ENOX1: variants seen among roughly 807,000 people sequenced by gnomAD.
The protein encoded by ENOX1 is ecto-NOX disulfide-thiol exchanger 1, also known as candidate growth-related and time keeping constitutive hydroquinone (NADH) oxidase.
In ENOX1, 42 loss-of-function variants were observed where a neutral mutation model predicts 82.5. The ratio of observed to expected loss-of-function variants is 0.51; its 90% confidence interval spans 0.40 to 0.66. The LOEUF (loss-of-function observed/expected upper bound fraction) is 0.66. Ranked by LOEUF, ENOX1 falls within the 30% of genes least tolerant of loss-of-function variation. The probability of loss-of-function intolerance (pLI) is 0.00; values close to 1 mark genes in which losing one functional copy is unlikely to be tolerated. For synonymous variants in ENOX1, 271 were observed against 282.2 expected (o/e 0.96, Z 0.40); for missense variants, 608 against 811.6 (o/e 0.75, Z 3.05).
chr13:43,391,522 A>G (rs1251876648), intron 5 of ENOX1, among the ~76,000 whole-genome samples: 1 of 152,154 alleles, frequency 6.6e-6, no homozygotes, highest in Non-Finnish European at 1.5e-5. Context: ...ATCTGAGTGC[A>G]TGATTTCTCC....
intron 11 of ENOX1, among the ~76,000 whole-genome samples, chr13:43,304,208 A>G (rs759827177): frequency 5.6e-4 from 86 of 152,250 alleles, no homozygotes; most frequent in Non-Finnish European, 9.3e-4. Flanking sequence ...AGTAGCAGTA[A>G]TGGGAATAGC....
chr13:43,472,267 C>T (rs1038507352), intron 3 of ENOX1, among the ~76,000 whole-genome samples: 3 of 152,006 alleles, frequency 2.0e-5, no homozygotes. Context: ...AGCCATAAAC[C>T]CACAAAAATA....
chr13:43,568,272 A>G (rs1043187923), intron 2 of ENOX1, among the ~76,000 whole-genome samples: 5 of 152,182 alleles, frequency 3.3e-5, no homozygotes, highest in African/African-American at 1.2e-4. Context: ...TTCCTCTTGC[A>G]TGAAACCTCT....
At chr13:43,245,672 C>T (rs1241287982) in intron 14 of ENOX1, among the ~76,000 whole-genome samples, 1 of 152,162 alleles carries the variant, frequency 6.6e-6, no homozygotes, top group Non-Finnish European at 1.5e-5. Context: ...TGGGCTCTCA[C>T]CACCTCTGCC....
At chr13:43,607,324 T>C (rs780057135) in intron 2 of ENOX1, among the ~76,000 whole-genome samples, 1 of 152,214 alleles carries the variant, frequency 6.6e-6, no homozygotes, top group Non-Finnish European at 1.5e-5. Flanking sequence ...TTATTGTGCA[T>C]AGAGTTTCCT....
intron 3 of ENOX1, among the ~76,000 whole-genome samples, chr13:43,435,911 G>A (rs1158906928): frequency 6.7e-6 from 1 of 150,120 alleles, no homozygotes; most frequent in Non-Finnish European, 1.5e-5. Context: ...AGAAGAATAT[G>A]GTCTGAGTCT....
chr13:43,291,396 T>C (rs2045991594), intron 12 of ENOX1, among the ~76,000 whole-genome samples: 1 of 152,190 alleles, frequency 6.6e-6, no homozygotes, highest in Non-Finnish European at 1.5e-5. Context: ...TCTATCTTTG[T>C]TCCATATTTC....
At chr13:43,687,482 C>G (rs754649919) in intron 1 of ENOX1, among the ~76,000 whole-genome samples, 6 of 152,248 alleles carry the variant, frequency 3.9e-5, no homozygotes, top group Middle Eastern at 3.4e-3. Context: ...CAGAGTTTGT[C>G]TCTTCCCCAC....
intron 2 of ENOX1, among the ~76,000 whole-genome samples, chr13:43,656,823 A>T (rs2084457740): frequency 6.6e-6 from 1 of 152,070 alleles, no homozygotes; most frequent in Non-Finnish European, 1.5e-5. Flanking sequence ...CAGCTAATTT[A>T]TCAGTTTCCC....
chr13:43,616,947 T>C (rs1199227737), intron 2 of ENOX1, among the ~76,000 whole-genome samples: 3 of 152,076 alleles, frequency 2.0e-5, no homozygotes, highest in Admixed American at 2.0e-4. Context: ...CACATATACA[T>C]ACATACACAT....
Position 43,269,595 on chromosome 13 carries a change from AT to A in ENOX1, c.1447-19del. ...AGCAATTGCTGTGAAATTAAAGGATATTTAGCATAAGTAGGATTGAAGGTCA... is the reference window on the plus strand; with the variant it reads ...AGCAATTGCTGTGAAATTAAAGGATATTAGCATAAGTAGGATTGAAGGTCA... On this transcript the variant is annotated intron_variant, in intron 12 of 16. Transcript: ENST00000690772. The A allele has an allele frequency of 6.3e-7, 1 of 1,589,208 alleles. No homozygotes were observed. The highest frequency in any genetic ancestry group is 1.1e-5 in the South Asian group (1 of 90,586).
At chr13:43,295,001 G>A (rs2046211188) in intron 12 of ENOX1, among the ~76,000 whole-genome samples, 1 of 152,178 alleles carries the variant, frequency 6.6e-6, no homozygotes, top group African/African-American at 2.4e-5. Context: ...AGCGAGTGCT[G>A]GAACTGATTT....
At chr13:43,543,302 G>C (rs538863339) in intron 2 of ENOX1, among the ~76,000 whole-genome samples, 1 of 152,242 alleles carries the variant, frequency 6.6e-6, no homozygotes, top group East Asian at 1.9e-4. Context: ...ATCATGTTTT[G>C]AGCTATTAGT....
At chr13:43,326,584 A>G (rs1385609293) in intron 9 of ENOX1, 59 bp from the exon 10 acceptor site, 6 of 1,319,272 alleles carry the variant, frequency 4.5e-6, no homozygotes, top group Non-Finnish European at 6.6e-6. Flanking sequence ...CACTATAGGG[A>G]AGCAAAGCAA....
chr13:43,267,727 A>G (rs1345471533), intron 13 of ENOX1, among the ~76,000 whole-genome samples: 2 of 152,200 alleles, frequency 1.3e-5, no homozygotes, highest in Non-Finnish European at 2.9e-5. Flanking sequence ...CCCCTTTTGC[A>G]AGAACCACCA....
chr13:43,506,096 CT>C (rs1218437397), intron 2 of ENOX1, among the ~76,000 whole-genome samples: 1 of 151,858 alleles, frequency 6.6e-6, no homozygotes, highest in Non-Finnish European at 1.5e-5. Context: ...GCTCTGTTCT[CT>C]TCCATTGGTC....
At chr13:43,780,147 C>A (rs57660118) in intron 1 of ENOX1, among the ~76,000 whole-genome samples, 1 of 146,804 alleles carries the variant, frequency 6.8e-6, no homozygotes, top group Non-Finnish European at 1.5e-5. Flanking sequence ...GGCGACAGAG[C>A]GAGACTCTGT....
intron 11 of ENOX1, among the ~76,000 whole-genome samples, chr13:43,312,053 C>T (rs796866943): frequency 8.5e-5 from 13 of 152,228 alleles, no homozygotes; most frequent in African/African-American, 2.9e-4. Context: ...TAAGTTGTGC[C>T]TGAAAACTTG....
intron 1 of ENOX1, among the ~76,000 whole-genome samples, chr13:43,701,579 T>C (rs1288234971): frequency 6.6e-6 from 1 of 152,202 alleles, no homozygotes; most frequent in Non-Finnish European, 1.5e-5. Flanking sequence ...TGTTCTGTCA[T>C]GTTTTTATAT....
Sources: allele counts gnomAD v4.1 joint callset (sites outside exome capture counted in the v4.1 genomes callset), GRCh38; gene constraint gnomAD v4.1.1; transcripts MANE v1.5; gene names NCBI Gene and HGNC (gene_info 2026-07-23, HGNC 2026-07-21).